PFKFB2: variants seen among roughly 807,000 people sequenced by gnomAD.
PFKFB2 encodes 6-phosphofructo-2-kinase/fructose-2,6-bisphosphatase 2.
Under a neutral mutation model 68.0 loss-of-function variants are expected in PFKFB2, and 53 were observed. The ratio of observed to expected loss-of-function variants is 0.78; its 90% CI spans 0.63 to 0.98. PFKFB2 has a LOEUF of 0.98. Ranked by LOEUF, PFKFB2 falls within the 50% of genes least tolerant of loss-of-function variation. The pLI, the probability that PFKFB2 is intolerant of heterozygous loss-of-function variation, is 0.00. For missense variants in PFKFB2, 451 were observed against 642.0 expected (o/e 0.70, Z 3.22); for synonymous variants, 222 against 227.6 (o/e 0.98, Z 0.22).
upstream of PFKFB2, chr1:207,048,922 T>C: frequency 9.1e-7 from 1 of 1,099,726 alleles, no homozygotes; most frequent in Non-Finnish European, 1.3e-6. Flanking sequence ...GTTCAAGCAT[T>C]GTATCCTTTG....
At chr1:207,061,676 A>G (rs1351957431) in intron 2 of PFKFB2, among the ~76,000 whole-genome samples, 3 of 152,084 alleles carry the variant, frequency 2.0e-5, no homozygotes, top group Admixed American at 6.5e-5. Flanking sequence ...GAGGTCAAGA[A>G]ATTGAGACCA....
upstream of PFKFB2, chr1:207,053,057 G>T (rs1281839374): frequency 6.6e-6 from 1 of 152,206 alleles, no homozygotes; most frequent in African/African-American, 2.4e-5. Flanking sequence ...AAGCAACAGT[G>T]CCACCAGGCT....
intron 7 of PFKFB2, among the ~76,000 whole-genome samples, chr1:207,064,631 T>C (rs1291618176): frequency 6.6e-6 from 1 of 152,164 alleles, no homozygotes; most frequent in East Asian, 1.9e-4. Flanking sequence ...CTCCCAGCCG[T>C]AGGAACTTGG....
Position 207,077,659 on chromosome 1 carries a change from A to C in PFKFB2, c.*5288A>C. 1.0e-6 allele frequency: 1 copy of C among 985,810 alleles called. No individual in the cohort carries two copies. The highest frequency in any genetic ancestry group is 1.2e-6 in the Non-Finnish European group (1 of 829,878). The allele number at this position is 985,810 out of a possible 1,614,324, so 61.1% of individuals were successfully genotyped here. On this transcript the variant is annotated 3_prime_UTR_variant, in exon 15 of 15. Transcript: ENST00000367080. The stretch of plus-strand genomic sequence containing the variant: ...CTAGGCACTGCTCTGTTGAAATAGG[A>C]ACATAAGTCTTTAGCAACATTCTGA...
intron 10 of PFKFB2, 72 bp from the exon 11 acceptor site, chr1:207,069,352 C>A: frequency 9.8e-7 from 1 of 1,021,554 alleles, no homozygotes. Flanking sequence ...TCAATGTCAT[C>A]TTCCTTATTT....
Position 207,063,712 on chromosome 1 carries a change from G to A in PFKFB2, c.451-61G>A. 7.3e-7 allele frequency: 1 copy of A among 1,371,834 alleles called. No individual in the cohort carries two copies. The highest frequency in any genetic ancestry group is 1.0e-6 in the Non-Finnish European group (1 of 958,842). 85.0% of individuals were successfully genotyped at this position (1,371,834 alleles called of 1,614,324 possible). The stretch of plus-strand genomic sequence containing the variant: ...GGCTGGGTGGGGTAGATGAGCATGT[G>A]CTCTTAATTAACAGCCTGGCATTTT... On this transcript the variant is annotated intron_variant, in intron 6 of 14. Transcript: ENST00000367080. The surrounding 1 kb of genome is among the most constrained non-coding windows in gnomAD (Gnocchi z 4.1).
At position 207,063,177 on chromosome 1, in the gene PFKFB2, G is replaced by C. The variant is rs779834380; in HGVS notation, c.343G>C (p.Ala115Pro). ...CALVALEDVKAYLTEENGQIA... is the reference protein window; with the variant it reads ...CALVALEDVKPYLTEENGQIA... The stretch of plus-strand genomic sequence containing the variant: ...TCTGGTGGCGCTGGAAGATGTTAAG[G>C]CGTATCTCACTGAGGAGAATGGTCA... Residue 115 changes from alanine to proline, a missense_variant, in exon 5 of 15, where the codon GCG becomes CCG. Ala to Pro is a conservative substitution (Grantham distance 27). Transcript: ENST00000367080. This position sits in a 1 kb window ranked among gnomAD's most constrained non-coding sequence, Gnocchi z 4.1. The C allele has an allele frequency of 6.2e-7, 1 of 1,613,970 alleles. No individual in the cohort carries two copies. The highest frequency in any genetic ancestry group is 8.5e-7 in the Non-Finnish European group (1 of 1,179,948).
chr1:207,051,679 T>C (rs1245164140), upstream of PFKFB2, among the ~76,000 whole-genome samples: 1 of 152,222 alleles, frequency 6.6e-6, no homozygotes, highest in Non-Finnish European at 1.5e-5. Flanking sequence ...TTCCTGGGCA[T>C]ACAAATATGA....
chr1:207,062,915 A>T (rs963994887), intron 4 of PFKFB2, among the ~76,000 whole-genome samples, 199 bp downstream of exon 4: 3 of 152,184 alleles, frequency 2.0e-5, no homozygotes, highest in Non-Finnish European at 4.4e-5. Context: ...TGCTTGTAGG[A>T]GAAGTCTAAA....
intron 10 of PFKFB2, 37 bp from the exon 11 acceptor site, chr1:207,069,387 C>T (rs1488447335): frequency 7.2e-7 from 1 of 1,392,160 alleles, no homozygotes; most frequent in Admixed American, 1.7e-5. Flanking sequence ...GTGGTACAGT[C>T]TATCTCTTCA....
At chr1:207,051,197 T>A (rs1402570500), upstream of PFKFB2, 10 of 1,335,150 alleles carry the variant, frequency 7.5e-6, no homozygotes, top group African/African-American at 4.5e-5. Context: ...TCTTGCTACC[T>A]ATAGAGCGAG....
At position 207,077,128 on chromosome 1, in the gene PFKFB2, A is replaced by G; in HGVS notation, c.*4757A>G. ...TTCAGAGCCTGGAGTTGTTACCTTT[A>G]CTTGAAGTCATCTCATCCAGTCCCC... On this transcript the variant is annotated 3_prime_UTR_variant, in exon 15 of 15. Transcript: ENST00000367080. 1.0e-6 allele frequency: 1 copy of G among 985,076 alleles called. No individual in the cohort carries two copies. The highest frequency in any genetic ancestry group is 1.2e-6 in the Non-Finnish European group (1 of 829,644). The allele number at this position is 985,076 out of a possible 1,614,324, so 61.0% of individuals were successfully genotyped here. A position where few individuals can be genotyped will look rare whatever the true frequency, so the allele number is the denominator to read the frequency against.
Position 207,074,179 on chromosome 1 carries a change from GA to G in PFKFB2, c.*1810del, listed in dbSNP as rs1482560375. ...GCTCGGGTTAAGAACTCCACCTTAG[GA>G]AGTTAGGTGGAAAAATACTGGATAG... On this transcript the variant is annotated 3_prime_UTR_variant, in exon 15 of 15. Transcript: ENST00000367080. The G allele has an allele frequency of 1.0e-6, 1 of 984,474 alleles. No individual in the cohort carries two copies. The highest frequency in any genetic ancestry group is 1.7e-5 in the African/African-American group (1 of 57,190). 61.0% of individuals were successfully genotyped at this position (984,474 alleles called of 1,614,324 possible).
chr1:207,069,434 AAGAGATGACCTATGC>A lies in PFKFB2; in HGVS notation c.1005_1019del (p.Met335_Glu339del), dbSNP rs1251815231. ...AGTGGCTTTTTGCAGGGTGTGTGTG[AAGAGATGACCTATGC>A]AGAGATTGAGAAACGGTACCCAGAA... On this transcript the variant is annotated inframe_deletion, in exon 11 of 15. Transcript: ENST00000367080. The A allele has an allele frequency of 6.2e-7, 1 of 1,613,274 alleles. No homozygotes were observed. Among genetic ancestry groups the A allele is most frequent in the African/African-American group, 1.3e-5 (1 of 74,896 alleles).
chr1:207,054,835 T>A (rs372428009), intron 2 of PFKFB2, 33 bp downstream of exon 2: 21 of 1,421,976 alleles, frequency 1.5e-5, no homozygotes, highest in Non-Finnish European at 2.0e-5. Flanking sequence ...GACTGCTCTC[T>A]CTCAGCATTT....
chr1:207,041,077 C>T (rs190614303), intron 1 of PFKFB2, among the ~76,000 whole-genome samples: 45 of 151,822 alleles, frequency 3.0e-4, no homozygotes, highest in African/African-American at 9.7e-4. Context: ...TACAGGCGCC[C>T]GCCACCACGC....
intron 2 of PFKFB2, among the ~76,000 whole-genome samples, chr1:207,056,804 A>G (rs896000624): frequency 1.3e-5 from 2 of 152,192 alleles, no homozygotes; most frequent in African/African-American, 4.8e-5. Flanking sequence ...AGACATAGTC[A>G]AAGGAGAAAA....
In PFKFB2 at chr1:207,063,888, GGTGTGTGT is replaced by G. The variant is rs57138984; in HGVS notation, c.507+80_507+87del. The G allele has an allele frequency of 2.8e-5, 28 of 1,016,458 alleles. No individual in the cohort carries two copies. The highest frequency in any genetic ancestry group is 1.2e-4 in the South Asian group (9 of 77,254). The allele number at this position is 1,016,458 out of a possible 1,614,324, so 63.0% of individuals were successfully genotyped here. ...ACCTTTTGTGCTGTGTGTGTTGTGG[GGTGTGTGT>G]GTGTGTGTGTGTGTGTGTGTTGTTG... On this transcript the variant is annotated intron_variant, in intron 7 of 14. Transcript: ENST00000367080. The surrounding 1 kb of genome is among the most constrained non-coding windows in gnomAD (Gnocchi z 4.1).
intron 2 of PFKFB2, among the ~76,000 whole-genome samples, chr1:207,060,137 G>T (rs1229245800): frequency 6.6e-6 from 1 of 152,176 alleles, no homozygotes; most frequent in Non-Finnish European, 1.5e-5. Flanking sequence ...AAGATGGGCC[G>T]GGAGGAGCCA....
Sources: allele counts gnomAD v4.1 joint callset (sites outside exome capture counted in the v4.1 genomes callset), GRCh38; gene constraint gnomAD v4.1.1; non-coding constraint Gnocchi (gnomAD v3.1); transcripts MANE v1.5; gene names NCBI Gene and HGNC (gene_info 2026-07-23, HGNC 2026-07-21).